Variants in SNCAIP observed in about 807,000 individuals in gnomAD.
SNCAIP encodes synphilin-1.
SNCAIP carries 43 observed loss-of-function variants against 86.7 expected under a neutral mutation model. The observed-to-expected ratio is 0.50, with a 90% confidence interval of 0.39 to 0.64. The LOEUF is 0.64. Among genes scored for constraint, SNCAIP ranks in the 30% least tolerant of loss-of-function variants. SNCAIP has a pLI of 0.00. For missense variants in SNCAIP, 981 were observed against 1,103.1 expected (o/e 0.89, Z 1.57); for synonymous variants, 417 against 427.2 (o/e 0.98, Z 0.29).
chr5:122,384,216 T>C (rs1481282130), intron 1 of SNCAIP, among the ~76,000 whole-genome samples: 1 of 152,236 alleles, frequency 6.6e-6, no homozygotes, highest in Non-Finnish European at 1.5e-5. Flanking sequence ...TGATTTGTGT[T>C]AGCTGGCTTT....
chr5:122,456,191 G>A (rs1402210458), intron 10 of SNCAIP, among the ~76,000 whole-genome samples: 1 of 152,184 alleles, frequency 6.6e-6, no homozygotes, highest in African/African-American at 2.4e-5. Flanking sequence ...CATTAGCATA[G>A]AGTCCTTAAA....
chr5:122,433,575 C>T (rs777456553), intron 6 of SNCAIP, among the ~76,000 whole-genome samples: 1 of 151,950 alleles, frequency 6.6e-6, no homozygotes, highest in Admixed American at 6.6e-5. Context: ...TTTAACTGTA[C>T]CAAATTTATG....
At chr5:122,387,994 C>T (rs1379906040) in intron 1 of SNCAIP, among the ~76,000 whole-genome samples, 1 of 152,192 alleles carries the variant, frequency 6.6e-6, no homozygotes, top group East Asian at 1.9e-4. Context: ...AATGGTTGTA[C>T]TTATGTTTAA....
intron 1 of SNCAIP, among the ~76,000 whole-genome samples, chr5:122,353,767 T>G (rs961319788): frequency 6.6e-6 from 1 of 152,182 alleles, no homozygotes; most frequent in Non-Finnish European, 1.5e-5. Context: ...CAAGTGGAAC[T>G]GTAAGTCCAT....
intron 1 of SNCAIP, among the ~76,000 whole-genome samples, chr5:122,336,180 GAGAGAGAGAGAA>G (rs1462200330): frequency 2.0e-5 from 3 of 152,242 alleles, no homozygotes; most frequent in African/African-American, 4.8e-5. Flanking sequence ...TATCAAGAGA[GAGAGAGAGAGAA>G]AGAGAGAGAG....
chr5:122,414,747 C>T (rs1400585415), intron 3 of SNCAIP, among the ~76,000 whole-genome samples: 1 of 152,186 alleles, frequency 6.6e-6, no homozygotes, highest in Non-Finnish European at 1.5e-5. Context: ...GGCAGTCCTC[C>T]AGTGTTACGG....
chr5:122,439,252 C>T (rs1038058615), intron 6 of SNCAIP, among the ~76,000 whole-genome samples: 1 of 152,192 alleles, frequency 6.6e-6, no homozygotes, highest in Non-Finnish European at 1.5e-5. Flanking sequence ...TAACTCCCAG[C>T]CATAGCTCCA....
chr5:122,433,453 T>A lies in SNCAIP; in HGVS notation c.1296+1371T>A, dbSNP rs553512012. ...TGTCCCCATTTGTATAGAAAATGTA[T>A]GCAGATTGTTTGTAGAGGCACTGAT... On this transcript the variant is annotated intron_variant, in intron 6 of 10. Transcript: ENST00000261368. 2.0e-5 allele frequency among the ~76,000 whole-genome samples: 3 copies of A among 152,298 alleles called. No homozygotes were observed. In the South Asian group the frequency reaches 6.2e-4, roughly 32 times the overall value.
At chr5:122,407,139 G>C (rs1367676460) in intron 3 of SNCAIP, among the ~76,000 whole-genome samples, 1 of 152,264 alleles carries the variant, frequency 6.6e-6, no homozygotes, top group East Asian at 1.9e-4. Context: ...CAAAAGGCAA[G>C]CAAACAGATA....
chr5:122,391,291 A>G, intron 2 of SNCAIP, 100 bp downstream of exon 2: 1 of 890,332 alleles, frequency 1.1e-6, no homozygotes, highest in Non-Finnish European at 1.9e-6. Flanking sequence ...AACTTTTCTG[A>G]CTACATTTAG....
intron 1 of SNCAIP, among the ~76,000 whole-genome samples, chr5:122,343,293 C>G (rs950779741): frequency 3.9e-5 from 6 of 152,294 alleles, no homozygotes; most frequent in African/African-American, 1.4e-4. Context: ...TCCCCCTCAC[C>G]TCCCATCTTT....
chr5:122,444,513 A>C (rs534648351), intron 7 of SNCAIP, 50 bp from the exon 8 acceptor site: 8 of 1,541,866 alleles, frequency 5.2e-6, no homozygotes, highest in African/African-American at 4.1e-5. Context: ...TCATTAAAAA[A>C]TAATGTGTAC....
At position 122,319,844 on chromosome 5, in the gene SNCAIP, T is replaced by G. The variant is rs576928472; in HGVS notation, c.-47+7560T>G. The stretch of plus-strand genomic sequence containing the variant: ...TAAGCCATGCATTATGAGTCCAGTT[T>G]TAAGCCATGGAGGAGAACGAGGTTC... On this transcript the variant is annotated intron_variant, in intron 1 of 10. Coordinates refer to ENST00000261368, the MANE Select transcript of SNCAIP (RefSeq NM_005460.4). 3.9e-5 allele frequency among the ~76,000 whole-genome samples: 6 copies of G among 152,324 alleles called. No individual in the cohort carries two copies. The South Asian group carries it at 1.2e-3, about 32-fold the overall frequency.
At chr5:122,438,887 G>T (rs149641852) in intron 6 of SNCAIP, among the ~76,000 whole-genome samples, 2,042 of 152,262 alleles carry the variant, frequency 0.013, 14 homozygotes, top group Non-Finnish European at 0.02. Context: ...AAGAGAATTT[G>T]TTCTGCCTAT....
intron 2 of SNCAIP, chr5:122,401,220 G>A: frequency 8.0e-7 from 1 of 1,256,642 alleles, no homozygotes; most frequent in Non-Finnish European, 1.1e-6. Flanking sequence ...GCTCCCAGAT[G>A]GTAGCACAAT....
Position 122,450,607 on chromosome 5 carries a change from G to T in SNCAIP, c.1760G>T (p.Ser587Ile). The change falls in exon 10 of 11, where the codon AGC becomes ATC. Residue 587 changes from serine to isoleucine, a missense_variant. Transcript: ENST00000261368. ...PDADDDSVAK[S>I]KPGVQEGIQV... The stretch of plus-strand genomic sequence containing the variant: ...GCAGATGATGATTCTGTAGCCAAAA[G>T]CAAGCCAGGAGTCCAAGAGGGGATT... 6.2e-7 allele frequency: 1 copy of T among 1,614,098 alleles called. No individual in the cohort carries two copies. The highest frequency in any genetic ancestry group is 8.5e-7 in the Non-Finnish European group (1 of 1,179,988).
intron 3 of SNCAIP, among the ~76,000 whole-genome samples, chr5:122,414,523 C>T (rs985809770): frequency 6.6e-6 from 1 of 152,126 alleles, no homozygotes; most frequent in Non-Finnish European, 1.5e-5. Context: ...AGCCACCTTG[C>T]CCAGCCATAA....
intron 1 of SNCAIP, among the ~76,000 whole-genome samples, chr5:122,373,571 C>T (rs1245733286): frequency 6.6e-6 from 1 of 152,184 alleles, no homozygotes; most frequent in Non-Finnish European, 1.5e-5. Flanking sequence ...TCTTCATGAG[C>T]ATCGTGGGAA....
chr5:122,393,153 C>T (rs996381671), intron 2 of SNCAIP, among the ~76,000 whole-genome samples: 4 of 152,048 alleles, frequency 2.6e-5, no homozygotes, highest in African/African-American at 9.7e-5. Context: ...GTAACTGCAC[C>T]CAAAATTTCC....
Sources: gnomAD v4.1 joint callset for allele counts (sites outside exome capture counted in the v4.1 genomes callset) on GRCh38, gnomAD v4.1.1 for gene constraint, MANE v1.5 for transcripts, NCBI Gene and HGNC (gene_info 2026-07-23, HGNC 2026-07-21) for gene names.